ITGB8: variants seen among roughly 807,000 people sequenced by gnomAD.
ITGB8 encodes integrin beta-8.
Under a neutral mutation model 89.5 loss-of-function variants are expected in ITGB8, and 30 were observed. That is an observed-to-expected ratio of 0.34 (90% CI 0.25 to 0.45). The LOEUF (loss-of-function observed/expected upper bound fraction) is 0.45, where lower values mean the gene tolerates loss of function less well. ITGB8 is among the 20% of genes least tolerant of loss of function. ITGB8 has a pLI of 1.00. For synonymous variants in ITGB8, 335 were observed against 320.4 expected, an observed-to-expected ratio of 1.05 and a Z score of -0.49; for missense variants, 836 against 933.3, an observed-to-expected ratio of 0.90 and a Z score of 1.36.
intron 1 of ITGB8, among the ~76,000 whole-genome samples, chr7:20,334,310 T>G (rs1385193591): frequency 6.6e-6 from 1 of 152,156 alleles, no homozygotes; most frequent in Non-Finnish European, 1.5e-5. Flanking sequence ...TATCTAGTGG[T>G]TAATATTTGA....
chr7:20,401,304 AGCAG>A (rs1377676961), intron 9 of ITGB8, among the ~76,000 whole-genome samples: 17 of 152,278 alleles, frequency 1.1e-4, no homozygotes, highest in African/African-American at 4.1e-4. Context: ...AAACCAGTAG[AGCAG>A]AAGCCCTTTA....
At position 20,404,587 on chromosome 7, in the gene ITGB8, G is replaced by C. The variant is rs184941566; in HGVS notation, c.1688-41G>C. 2.9e-5 allele frequency: 45 copies of C among 1,546,956 alleles called. No individual in the cohort carries two copies. In the African/African-American group the frequency reaches 5.7e-4, roughly 20 times the overall value. The stretch of plus-strand genomic sequence containing the variant: ...TGGTTGAAAACTCTTTACAAAGTCA[G>C]TGATCCAGATAACATAGGTCCTGCG... On this transcript the variant is annotated intron_variant, in intron 10 of 13. Transcript: ENST00000222573.
rs374967491 is a variant in ITGB8 at position 20,350,141 on chromosome 7, A to AGTT, written c.128-13477_128-13475dup. 2.8e-3 allele frequency among the ~76,000 whole-genome samples: 421 copies of AGTT among 152,100 alleles called. 2 individuals are homozygous for AGTT. Among genetic ancestry groups the AGTT allele is most frequent in the Middle Eastern group, 6.8e-3 (2 of 294 alleles). ...AAACAAAAACAATTCCCTGTATTGA[A>AGTT]GTTGTTGTTGTTGTTGTTGTTTTGA... On this transcript the variant is annotated intron_variant, in intron 1 of 13. Coordinates refer to ENST00000222573, the MANE Select transcript of ITGB8 (RefSeq NM_002214.3).
At position 20,410,090 on chromosome 7, in the gene ITGB8, G is replaced by T; in HGVS notation, c.*93G>T. On this transcript the variant is annotated 3_prime_UTR_variant, in exon 14 of 14. Coordinates refer to ENST00000222573, the MANE Select transcript of ITGB8 (RefSeq NM_002214.3). ...TAAAAGTCACAGGAGGAGACAAATT[G>T]CTCACGGTCATGCCAGTTGCTGGTT... 7.7e-7 allele frequency: 1 copy of T among 1,303,232 alleles called. No individual in the cohort carries two copies. The highest frequency in any genetic ancestry group is 1.1e-6 in the Non-Finnish European group (1 of 934,990). The allele number at this position is 1,303,232 out of a possible 1,614,324, so 80.7% of individuals were successfully genotyped here.
intron 1 of ITGB8, among the ~76,000 whole-genome samples, chr7:20,356,829 G>C (rs1785310984): frequency 6.6e-6 from 1 of 152,034 alleles, no homozygotes; most frequent in South Asian, 2.1e-4. Flanking sequence ...CCAATCACTT[G>C]ATTTATGGAA....
chr7:20,405,328 T>C (rs1437135672), intron 11 of ITGB8, among the ~76,000 whole-genome samples: 1 of 144,142 alleles, frequency 6.9e-6, no homozygotes, highest in Non-Finnish European at 1.5e-5. Context: ...TATATATATA[T>C]TTTTTTTTTG....
At chr7:20,331,991 C>T in intron 1 of ITGB8, 58 bp downstream of exon 1, 2 of 1,578,564 alleles carry the variant, frequency 1.3e-6, no homozygotes, top group Admixed American at 1.8e-5. Flanking sequence ...TGGGCTGGCA[C>T]GAAGAGCTGC....
rs983915767 is a variant in ITGB8 at position 20,410,091 on chromosome 7, C to T, written c.*94C>T. The T allele has an allele frequency of 1.4e-5, 18 of 1,292,968 alleles. No individual in the cohort carries two copies. The highest frequency in any genetic ancestry group is 2.7e-4 in the Middle Eastern group (1 of 3,664). 80.1% of individuals were successfully genotyped at this position (1,292,968 alleles called of 1,614,324 possible). On this transcript the variant is annotated 3_prime_UTR_variant, in exon 14 of 14. Coordinates refer to ENST00000222573, the MANE Select transcript of ITGB8 (RefSeq NM_002214.3). ...AAAAGTCACAGGAGGAGACAAATTG[C>T]TCACGGTCATGCCAGTTGCTGGTTG...
At chr7:20,398,267 A>T (rs766133794) in intron 8 of ITGB8, among the ~76,000 whole-genome samples, 1 of 152,170 alleles carries the variant, frequency 6.6e-6, no homozygotes, top group Non-Finnish European at 1.5e-5. Flanking sequence ...ACTTGGGAAA[A>T]ATTCTAAGCC....
intron 6 of ITGB8, among the ~76,000 whole-genome samples, chr7:20,383,527 T>A (rs1273047305): frequency 6.6e-6 from 1 of 152,128 alleles, no homozygotes; most frequent in African/African-American, 2.4e-5. Context: ...AAGAGAAGGT[T>A]TTTATTTTTT....
At chr7:20,386,243 A>ATTT (rs3032551) in intron 6 of ITGB8, among the ~76,000 whole-genome samples, 14,612 of 144,724 alleles carry the variant, frequency 0.1, 1,054 homozygotes, top group East Asian at 0.39. Flanking sequence ...CTATGAGAAC[A>ATTT]TTTTTTTTTT....
In ITGB8 at chr7:20,331,905, T is replaced by C. The variant is rs1453299245; in HGVS notation, c.99T>C (p.Phe33=). 2 of 1,614,188 alleles carry C rather than the reference T, an allele frequency of 1.2e-6. No individual in the cohort carries two copies. Among genetic ancestry groups the C allele is most frequent in the African/African-American group, 1.3e-5 (1 of 75,074 alleles). The change falls in exon 1 of 14, where the codon TTT becomes TTC. Residue 33 remains phenylalanine, a synonymous_variant. Coordinates refer to ENST00000222573, the MANE Select transcript of ITGB8 (RefSeq NM_002214.3). ...PASFLWAAWV[F]SLVLGLGQGE... ...CGTTCCTCTGGGCAGCCTGGGTGTTTTCACTTGTTCTTGGACTGGGCCAAG... is the reference window on the plus strand; with the variant it reads ...CGTTCCTCTGGGCAGCCTGGGTGTTCTCACTTGTTCTTGGACTGGGCCAAG...
chr7:20,380,441 T>G (rs905008889), intron 4 of ITGB8: 1 of 465,322 alleles, frequency 2.1e-6, no homozygotes, highest in South Asian at 2.7e-5. Flanking sequence ...CATCTTTATT[T>G]TTTTGAATAC....
At chr7:20,398,744 C>CA (rs1392499602) in intron 8 of ITGB8, 116 bp from the exon 9 acceptor site, 3 of 629,626 alleles carry the variant, frequency 4.8e-6, no homozygotes, top group Non-Finnish European at 7.3e-6. Context: ...TTTATAGAAA[C>CA]AGACTCTTTG....
chr7:20,384,043 G>A (rs1194441308), intron 6 of ITGB8, among the ~76,000 whole-genome samples: 1 of 152,132 alleles, frequency 6.6e-6, no homozygotes, highest in Non-Finnish European at 1.5e-5. Flanking sequence ...CATTTTGATT[G>A]ATCCCTTGGC....
chr7:20,334,605 C>T (rs1009138961), intron 1 of ITGB8, among the ~76,000 whole-genome samples: 1 of 152,142 alleles, frequency 6.6e-6, no homozygotes, highest in East Asian at 1.9e-4. Flanking sequence ...CAAAGCGTTG[C>T]ATAGCATAAG....
chr7:20,363,269 G>A (rs1785572029), intron 1 of ITGB8, among the ~76,000 whole-genome samples: 1 of 152,126 alleles, frequency 6.6e-6, no homozygotes, highest in South Asian at 2.1e-4. Context: ...GCACCTATTT[G>A]TTTCAGAGAA....
chr7:20,384,198 A>G (rs918916496), intron 6 of ITGB8, among the ~76,000 whole-genome samples: 1 of 152,148 alleles, frequency 6.6e-6, no homozygotes, highest in Non-Finnish European at 1.5e-5. Flanking sequence ...AGGAATTTTA[A>G]ATTTTGTTTA....
chr7:20,412,210 C>A lies in ITGB8; in HGVS notation c.*2213C>A, dbSNP rs6461495. On this transcript the variant is annotated 3_prime_UTR_variant, in exon 14 of 14. Coordinates refer to ENST00000222573, the MANE Select transcript of ITGB8 (RefSeq NM_002214.3). Reference sequence around the variant, plus strand: ...GTTAGATGTCCTCTACAGCCAAGCACTTTCAATGCTAACTTGAACTGCATT... The same window carrying A: ...GTTAGATGTCCTCTACAGCCAAGCAATTTCAATGCTAACTTGAACTGCATT... 148,181 of 152,704 alleles carry A rather than the reference C, an allele frequency of 0.97. 71,929 individuals are homozygous for A. Among genetic ancestry groups the A allele is most frequent in the East Asian group, 0.99 (5,145 of 5,178 alleles). 9.5% of individuals were successfully genotyped at this position (152,704 alleles called of 1,614,324 possible).
Sources: gnomAD v4.1 joint callset for allele counts (sites outside exome capture counted in the v4.1 genomes callset) on GRCh38, gnomAD v4.1.1 for gene constraint, MANE v1.5 for transcripts, NCBI Gene and HGNC (gene_info 2026-07-23, HGNC 2026-07-21) for gene names.